CDH12: variants seen among roughly 807,000 people sequenced by gnomAD.
CDH12 encodes the protein cadherin 12.
In CDH12, 41 loss-of-function variants were observed where a neutral mutation model predicts 74.1. The observed-to-expected ratio is 0.55, with a 90% confidence interval of 0.43 to 0.72. The LOEUF (loss-of-function observed/expected upper bound fraction) is 0.72, where lower values mean the gene tolerates loss of function less well. Among genes scored for constraint, CDH12 ranks in the 30% least tolerant of loss-of-function variants. The pLI is 0.00. For synonymous variants in CDH12, 399 were observed against 355.0 expected (o/e 1.12, Z -1.39); for missense variants, 945 against 977.2 (o/e 0.97, Z 0.44).
chr5:22,631,624 T>C (rs948278132), intron 1 of CDH12, among the ~76,000 whole-genome samples: 1 of 152,070 alleles, frequency 6.6e-6, no homozygotes, highest in African/African-American at 2.4e-5. Flanking sequence ...CATTCTCACA[T>C]TGCTACAAGG....
At chr5:22,719,279 G>T (rs772840026) in intron 1 of CDH12, among the ~76,000 whole-genome samples, 1 of 151,988 alleles carries the variant, frequency 6.6e-6, no homozygotes, top group African/African-American at 2.4e-5. Flanking sequence ...AATGTATAAT[G>T]GTATGTAAAG....
intron 1 of CDH12, among the ~76,000 whole-genome samples, chr5:22,833,983 T>C (rs746904159): frequency 2.2e-4 from 33 of 152,140 alleles, no homozygotes; most frequent in Non-Finnish European, 4.3e-4. Context: ...TGACCCTCCA[T>C]TAACTCTGCC....
At chr5:22,737,538 G>A (rs964305360) in intron 1 of CDH12, among the ~76,000 whole-genome samples, 1 of 151,750 alleles carries the variant, frequency 6.6e-6, no homozygotes, top group Non-Finnish European at 1.5e-5. Flanking sequence ...TAGTTAATAA[G>A]ACTTAGCTGA....
At chr5:22,833,313 A>G (rs771138487) in intron 1 of CDH12, among the ~76,000 whole-genome samples, 2 of 152,216 alleles carry the variant, frequency 1.3e-5, no homozygotes, top group Non-Finnish European at 2.9e-5. Context: ...TATTGATCAT[A>G]TTCTCTACAG....
intron 4 of CDH12, among the ~76,000 whole-genome samples, chr5:22,157,625 A>G (rs531865500): frequency 6.6e-6 from 1 of 152,234 alleles, no homozygotes; most frequent in African/African-American, 2.4e-5. Context: ...CTGCCCTTCA[A>G]AATACACAAG....
chr5:22,331,878 A>AATGAATTG (rs1377782449), intron 3 of CDH12, among the ~76,000 whole-genome samples: 4 of 150,124 alleles, frequency 2.7e-5, no homozygotes, highest in South Asian at 4.3e-4. Flanking sequence ...CACGCTGAAG[A>AATGAATTG]ATGAATTGGA....
intron 1 of CDH12, among the ~76,000 whole-genome samples, chr5:22,516,452 T>C (rs369356069): frequency 6.6e-6 from 1 of 152,172 alleles, no homozygotes; most frequent in African/African-American, 2.4e-5. Flanking sequence ...TCTATTGATA[T>C]TGGTAGTTAT....
At chr5:21,760,504 G>T in intron 13 of CDH12, 54 bp downstream of exon 13, 1 of 837,872 alleles carries the variant, frequency 1.2e-6, no homozygotes, top group Non-Finnish European at 2.0e-6. Flanking sequence ...CTCCCTTTGT[G>T]CCTTTTTACA....
At chr5:22,143,124 G>A (rs986943793) in intron 4 of CDH12, 1 of 152,804 alleles carries the variant, frequency 6.5e-6, no homozygotes, top group African/African-American at 2.4e-5. Context: ...TGACTTACTA[G>A]TATTTTTGAA....
At chr5:22,035,352 G>A (rs1318211924) in intron 5 of CDH12, among the ~76,000 whole-genome samples, 2 of 151,806 alleles carry the variant, frequency 1.3e-5, no homozygotes, top group East Asian at 3.9e-4. Flanking sequence ...AGGTGCAGTG[G>A]CCTTGGGTAG....
chr5:21,999,349 A>G (rs1207822169), intron 5 of CDH12, among the ~76,000 whole-genome samples: 1 of 152,168 alleles, frequency 6.6e-6, no homozygotes, highest in East Asian at 1.9e-4. Flanking sequence ...TGTATCTAAT[A>G]TTGTCTGATT....
rs182639991 is a variant in CDH12 at position 22,632,625 on chromosome 5, A to G, written c.-522-127261T>C. ...AGGACAGTTGAGATAATCCATAATA[A>G]TATGCAGAAAGAAAAATAACTGTAA... On this transcript the variant is annotated intron_variant, in intron 1 of 14. Transcript: ENST00000382254. 1.7e-3 allele frequency among the ~76,000 whole-genome samples: 258 copies of G among 152,264 alleles called. 1 individual carries two copies. The highest frequency in any genetic ancestry group is 5.8e-3 in the African/African-American group (243 of 41,570).
chr5:22,418,865 C>T (rs1254643966), intron 2 of CDH12, among the ~76,000 whole-genome samples: 3 of 152,026 alleles, frequency 2.0e-5, no homozygotes, highest in African/African-American at 7.3e-5. Context: ...GCCTGGGCTA[C>T]AAGAGTGAGA....
At chr5:21,778,966 A>G (rs1021692991) in intron 11 of CDH12, among the ~76,000 whole-genome samples, 1 of 152,164 alleles carries the variant, frequency 6.6e-6, no homozygotes, top group African/African-American at 2.4e-5. Flanking sequence ...ATTATCTAAC[A>G]ACTTTATCAC....
chr5:22,011,636 C>T (rs1737300406), intron 5 of CDH12, among the ~76,000 whole-genome samples: 1 of 152,002 alleles, frequency 6.6e-6, no homozygotes, highest in African/African-American at 2.4e-5. Flanking sequence ...CTAACTTAGT[C>T]CCTGGTTTCA....
chr5:22,040,021 A>G (rs1347592572), intron 5 of CDH12, among the ~76,000 whole-genome samples: 1 of 152,110 alleles, frequency 6.6e-6, no homozygotes, highest in Admixed American at 6.5e-5. Context: ...GGAATTCAAA[A>G]TAATAATCTT....
At chr5:21,998,970 T>TGAA (rs1208677440) in intron 5 of CDH12, among the ~76,000 whole-genome samples, 2 of 152,202 alleles carry the variant, frequency 1.3e-5, no homozygotes, top group African/African-American at 4.8e-5. Context: ...ATACCACAAA[T>TGAA]GAAAGTATTT....
chr5:22,001,912 T>C (rs1736629345), intron 5 of CDH12, among the ~76,000 whole-genome samples: 1 of 151,728 alleles, frequency 6.6e-6, no homozygotes. Context: ...AATCTTTGGG[T>C]TGCTGTATAA....
intron 3 of CDH12, among the ~76,000 whole-genome samples, chr5:22,232,679 T>C (rs1054676455): frequency 2.6e-5 from 4 of 151,536 alleles, no homozygotes; most frequent in Non-Finnish European, 5.9e-5. Flanking sequence ...TTCATCATCA[T>C]AGTTGAGAAG....
Sources: allele counts gnomAD v4.1 joint callset (sites outside exome capture counted in the v4.1 genomes callset), GRCh38; gene constraint gnomAD v4.1.1; transcripts MANE v1.5; gene names NCBI Gene and HGNC (gene_info 2026-07-23, HGNC 2026-07-21).